Variants in GNB4 observed in about 807,000 individuals in gnomAD.
The protein encoded by GNB4 is guanine nucleotide-binding protein subunit beta-4.
GNB4 carries 28 observed loss-of-function variants against 45.2 expected under a neutral mutation model. The observed-to-expected ratio is 0.62, with a 90% CI of 0.46 to 0.85. GNB4 has a LOEUF of 0.85. Among genes scored for constraint, GNB4 ranks in the 40% least tolerant of loss-of-function variants. The probability of loss-of-function intolerance (pLI) is 0.00; values close to 1 mark genes in which losing one functional copy is unlikely to be tolerated. For synonymous variants in GNB4, 132 were observed against 143.7 expected, an observed-to-expected ratio of 0.92 and a Z score of 0.58; for missense variants, 321 against 425.4, an observed-to-expected ratio of 0.75 and a Z score of 2.16.
intron 1 of GNB4, among the ~76,000 whole-genome samples, chr3:179,438,707 A>T (rs1236762462): frequency 1.3e-5 from 2 of 152,158 alleles, no homozygotes; most frequent in African/African-American, 4.8e-5. Flanking sequence ...GCTGTGTTTT[A>T]TTTTCTGGGA....
rs931216418 is a variant in GNB4, at chr3:179,397,309, A to G, written c.*3904T>C. On this transcript the variant is annotated 3_prime_UTR_variant, in exon 10 of 10. Coordinates refer to ENST00000232564, the MANE Select transcript of GNB4 (RefSeq NM_021629.4). Reference sequence around the variant, plus strand: ...AAGGTCTTATTATTAAATCCAAAATACCAAAAGTATTAGAGGAGCTAGTTA... The same window carrying G: ...AAGGTCTTATTATTAAATCCAAAATGCCAAAAGTATTAGAGGAGCTAGTTA... 1 of 152,252 alleles carries G rather than the reference A, an allele frequency of 6.6e-6. No homozygotes were observed. Among genetic ancestry groups the G allele is most frequent in the East Asian group, 1.9e-4 (1 of 5,200 alleles). The allele number at this position is 152,252 out of a possible 1,614,324, so 9.4% of individuals were successfully genotyped here. A position where few individuals can be genotyped will look rare whatever the true frequency, so the allele number is the denominator to read the frequency against.
intron 1 of GNB4, among the ~76,000 whole-genome samples, chr3:179,437,174 G>A (rs1715474367): frequency 6.6e-6 from 1 of 152,124 alleles, no homozygotes. Flanking sequence ...GTTTTAGAAA[G>A]GTACATTCAT....
chr3:179,430,071 GAGACAGACAGACAGACAGAC>G (rs3086948), intron 1 of GNB4, among the ~76,000 whole-genome samples: 11 of 142,256 alleles, frequency 7.7e-5, no homozygotes, highest in Admixed American at 2.9e-4. Flanking sequence ...GACTGAGAGA[GAGACAGACAGACAGACAGAC>G]AGACAGACAG....
chr3:179,504,310 T>C, the GNB4 span, among the ~76,000 whole-genome samples: 1 of 152,114 alleles, frequency 6.6e-6, no homozygotes, highest in African/African-American at 2.4e-5. Flanking sequence ...AGAAAATATA[T>C]ATTCTGAATA....
chr3:179,458,529 G>A, the GNB4 span, among the ~76,000 whole-genome samples: 5 of 152,066 alleles, frequency 3.3e-5, no homozygotes, highest in African/African-American at 9.7e-5. Flanking sequence ...AAATATATTC[G>A]TCCCTCTGTA....
rs1184974466 is a variant in GNB4, at chr3:179,396,435, A to C, written c.*4778T>G. On this transcript the variant is annotated 3_prime_UTR_variant, in exon 10 of 10. Transcript: ENST00000232564. ...CCTTTGGATAGGAAAATAGAAATGC[A>C]AGTGTTCAGATGCTTCTTTGAAAAG... 6.6e-6 allele frequency: 1 copy of C among 152,204 alleles called. No homozygotes were observed. The highest frequency in any genetic ancestry group is 6.5e-5 in the Admixed American group (1 of 15,284). The allele number at this position is 152,204 out of a possible 1,614,324, so 9.4% of individuals were successfully genotyped here.
At chr3:179,523,790 T>G in the GNB4 span, among the ~76,000 whole-genome samples, 1 of 151,652 alleles carries the variant, frequency 6.6e-6, no homozygotes, top group Admixed American at 6.6e-5. Flanking sequence ...GTGGGGGGGA[T>G]ATGAGAGGAG....
At chr3:179,509,459 G>A in the GNB4 span, among the ~76,000 whole-genome samples, 3 of 152,074 alleles carry the variant, frequency 2.0e-5, no homozygotes, top group East Asian at 1.9e-4. Flanking sequence ...GCTTCTGAGC[G>A]CCAAACCCGA....
At chr3:179,453,572 A>AG (rs1257526499), upstream of GNB4, among the ~76,000 whole-genome samples, 2 of 152,234 alleles carry the variant, frequency 1.3e-5, no homozygotes, top group African/African-American at 4.8e-5. Context: ...GGAAGCAATG[A>AG]GATAGTCTAT....
At chr3:179,416,625 G>T in intron 4 of GNB4, 69 bp from the exon 5 acceptor site, 1 of 851,632 alleles carries the variant, frequency 1.2e-6, no homozygotes, top group Non-Finnish European at 1.9e-6. Flanking sequence ...GTTATGCATT[G>T]CATTAATGTA....
chr3:179,413,943 T>C (rs1295399667), intron 6 of GNB4, among the ~76,000 whole-genome samples, 162 bp from the exon 7 acceptor site: 1 of 152,218 alleles, frequency 6.6e-6, no homozygotes, highest in Non-Finnish European at 1.5e-5. Context: ...TCCTACATTG[T>C]CTATAAACCA....
chr3:179,498,216 C>T, the GNB4 span, among the ~76,000 whole-genome samples: 1 of 152,150 alleles, frequency 6.6e-6, no homozygotes, highest in Non-Finnish European at 1.5e-5. Context: ...TTATATGTTA[C>T]AGGTTTAGTT....
In GNB4 at chr3:179,400,298, T is replaced by G. The variant is rs1355866625; in HGVS notation, c.*915A>C. The G allele has an allele frequency of 6.6e-6, 1 of 152,212 alleles. No homozygotes were observed. Among genetic ancestry groups the G allele is most frequent in the Non-Finnish European group, 1.5e-5 (1 of 68,044 alleles). The allele number at this position is 152,212 out of a possible 1,614,324, so 9.4% of individuals were successfully genotyped here. A position where few individuals can be genotyped will look rare whatever the true frequency, so the allele number is the denominator to read the frequency against. ...TAACACTGTCACATTGCATTTCCTCTCTAGATGTATACTGATAGCACTGGG... is the reference window on the plus strand; with the variant it reads ...TAACACTGTCACATTGCATTTCCTCGCTAGATGTATACTGATAGCACTGGG... On this transcript the variant is annotated 3_prime_UTR_variant, in exon 10 of 10. Coordinates refer to ENST00000232564, the MANE Select transcript of GNB4 (RefSeq NM_021629.4).
At chr3:179,428,850 CAT>C (rs1560219342) in intron 1 of GNB4, among the ~76,000 whole-genome samples, 1 of 152,170 alleles carries the variant, frequency 6.6e-6, no homozygotes, top group Non-Finnish European at 1.5e-5. Context: ...GCCACACACA[CAT>C]ACCAGTGACC....
the GNB4 span, among the ~76,000 whole-genome samples, chr3:179,461,266 G>A: frequency 6.6e-6 from 1 of 152,140 alleles, no homozygotes; most frequent in Non-Finnish European, 1.5e-5. Context: ...GGGAGGTAGA[G>A]GCAGGCGGAT....
chr3:179,454,981 A>C (rs1715957277), upstream of GNB4, among the ~76,000 whole-genome samples: 1 of 152,214 alleles, frequency 6.6e-6, no homozygotes, highest in African/African-American at 2.4e-5. Context: ...CTTGATACAG[A>C]GTAGTCATGC....
chr3:179,468,011 T>C, the GNB4 span, among the ~76,000 whole-genome samples: 1 of 130,548 alleles, frequency 7.7e-6, no homozygotes, highest in East Asian at 2.1e-4. Context: ...CAGTGATAAT[T>C]TAAAGGATCA....
rs148677573 is a variant in GNB4 at position 179,408,816 on chromosome 3, C to CAA, written c.700-3412_700-3411dup. 2.5e-4 allele frequency among the ~76,000 whole-genome samples: 35 copies of CAA among 137,730 alleles called. No individual in the cohort carries two copies. The South Asian group carries it at 2.5e-3, about 10-fold the overall frequency. The allele number at this position is 137,730 out of a possible 152,430, so 90.4% of individuals were successfully genotyped here. A position where few individuals can be genotyped will look rare whatever the true frequency, so the allele number is the denominator to read the frequency against. ...CAAAAAAAAGAAAAAGAAAGAAACT[C>CAA]AAAAAAAAAAAGAAACTCATAGATC... On this transcript the variant is annotated intron_variant, in intron 8 of 9. Coordinates refer to ENST00000232564, the MANE Select transcript of GNB4 (RefSeq NM_021629.4).
At chr3:179,497,898 T>C in the GNB4 span, among the ~76,000 whole-genome samples, 1 of 151,930 alleles carries the variant, frequency 6.6e-6, no homozygotes, top group Non-Finnish European at 1.5e-5. Flanking sequence ...AAAAAACAAG[T>C]GTTGGCAAAG....
Sources: allele counts gnomAD v4.1 joint callset (sites outside exome capture counted in the v4.1 genomes callset), GRCh38; gene constraint gnomAD v4.1.1; transcripts MANE v1.5; gene names NCBI Gene and HGNC (gene_info 2026-07-23, HGNC 2026-07-21).